Variants in CAMKMT observed in about 807,000 individuals in gnomAD.
CAMKMT encodes the protein calmodulin-lysine N-methyltransferase.
A neutral mutation model predicts 48.0 loss-of-function variants in CAMKMT; 53 were observed. The observed-to-expected ratio is 1.10, with a 90% CI of 0.89 to 1.39. The LOEUF (loss-of-function observed/expected upper bound fraction) is 1.39. Ranked by LOEUF, CAMKMT falls within the 40% of genes most tolerant of loss-of-function variation. The pLI is 0.00. For missense variants in CAMKMT, 428 were observed against 402.7 expected (o/e 1.06, Z -0.54); for synonymous variants, 165 against 152.3 (o/e 1.08, Z -0.61).
At chr2:44,414,022 G>T (rs562318384) in intron 3 of CAMKMT, among the ~76,000 whole-genome samples, 21 of 152,256 alleles carry the variant, frequency 1.4e-4, no homozygotes, top group Admixed American at 1.2e-3. Flanking sequence ...CATTGTATTG[G>T]TATGCCAGTT....
chr2:44,683,656 TA>T, intron 3 of CAMKMT, among the ~76,000 whole-genome samples: 1 of 151,018 alleles, frequency 6.6e-6, no homozygotes. Flanking sequence ...CCCTCTCTAC[TA>T]AAAAAATACA....
At chr2:44,562,380 A>G (rs922629146) in intron 3 of CAMKMT, among the ~76,000 whole-genome samples, 5 of 152,212 alleles carry the variant, frequency 3.3e-5, no homozygotes, top group African/African-American at 4.8e-5. Context: ...TAACAACAAT[A>G]ATAGCTAGCA....
intron 9 of CAMKMT, among the ~76,000 whole-genome samples, chr2:44,762,018 T>C (rs1284570409): frequency 6.6e-6 from 1 of 152,148 alleles, no homozygotes; most frequent in Non-Finnish European, 1.5e-5. Context: ...GCTGAAGCCA[T>C]GGACATCAGT....
At chr2:44,508,348 A>G (rs544203655) in intron 3 of CAMKMT, among the ~76,000 whole-genome samples, 4 of 152,272 alleles carry the variant, frequency 2.6e-5, no homozygotes, top group African/African-American at 9.6e-5. Context: ...TCAGCACCTT[A>G]GGTTTATCTG....
chr2:44,594,973 C>T (rs1477118863), intron 3 of CAMKMT, among the ~76,000 whole-genome samples: 1 of 151,776 alleles, frequency 6.6e-6, no homozygotes, highest in African/African-American at 2.4e-5. Context: ...AAAAAAACAA[C>T]CCCATCAAAA....
At chr2:44,621,266 C>CAAAAAAAAAAAAAAAAAAAAAAAA (rs10667154) in intron 3 of CAMKMT, among the ~76,000 whole-genome samples, 1 of 84,556 alleles carries the variant, frequency 1.2e-5, no homozygotes, top group African/African-American at 5.3e-5. Flanking sequence ...GACTCCATCT[C>CAAAAAAAAAAAAAAAAAAAAAAAA]AAAAAAAAAA....
At chr2:44,365,234 C>T (rs1032873094) in intron 1 of CAMKMT, among the ~76,000 whole-genome samples, 4 of 152,180 alleles carry the variant, frequency 2.6e-5, no homozygotes, top group Non-Finnish European at 5.9e-5. Flanking sequence ...AAAATTCTGT[C>T]TTTCCATTAC....
At chr2:44,478,932 C>G (rs937732857) in intron 3 of CAMKMT, among the ~76,000 whole-genome samples, 1 of 152,128 alleles carries the variant, frequency 6.6e-6, no homozygotes, top group East Asian at 1.9e-4. Context: ...ATCTCCTGAC[C>G]TCGTGATCCG....
intron 3 of CAMKMT, among the ~76,000 whole-genome samples, chr2:44,590,158 G>C (rs1418429918): frequency 2.0e-5 from 3 of 151,862 alleles, no homozygotes; most frequent in Non-Finnish European, 2.9e-5. Flanking sequence ...AGAACCTCTA[G>C]TATAGTGTTT....
rs866246752 is a variant in CAMKMT, at chr2:44,587,610, C to T, written c.377-116673C>T. Among the ~76,000 whole-genome samples, 273 of 131,918 alleles carry T rather than the reference C, an allele frequency of 2.1e-3. 1 individual carries two copies. In the Middle Eastern group the frequency reaches 0.026, roughly 13 times the overall value. The allele number at this position is 131,918 out of a possible 152,430, so 86.5% of individuals were successfully genotyped here. ...CCTGCCTCAGCCTGCCGAGTGCCTG[C>T]GATTGCAGGCGCGCGCCGCCACGCC... On this transcript the variant is annotated intron_variant, in intron 3 of 10. Coordinates refer to ENST00000378494, the MANE Select transcript of CAMKMT (RefSeq NM_024766.5).
At chr2:44,725,710 T>C (rs1678742729) in intron 7 of CAMKMT, among the ~76,000 whole-genome samples, 1 of 152,124 alleles carries the variant, frequency 6.6e-6, no homozygotes, top group Admixed American at 6.6e-5. Context: ...GATTTAGCTA[T>C]TTGTGATAAA....
At chr2:44,506,061 G>T (rs1490248867) in intron 3 of CAMKMT, among the ~76,000 whole-genome samples, 1 of 151,932 alleles carries the variant, frequency 6.6e-6, no homozygotes, top group African/African-American at 2.4e-5. Context: ...TCACCATGTT[G>T]CTCAGGCTGG....
chr2:44,721,288 C>A (rs1336463371), intron 7 of CAMKMT, among the ~76,000 whole-genome samples: 1 of 152,084 alleles, frequency 6.6e-6, no homozygotes, highest in African/African-American at 2.4e-5. Flanking sequence ...TATTTTTTAT[C>A]TTCTTAAAAT....
intron 9 of CAMKMT, among the ~76,000 whole-genome samples, chr2:44,763,521 T>G (rs1680704881): frequency 6.6e-6 from 1 of 152,200 alleles, no homozygotes; most frequent in Non-Finnish European, 1.5e-5. Flanking sequence ...AATAAAACAT[T>G]AGAAGATCCT....
intron 3 of CAMKMT, among the ~76,000 whole-genome samples, chr2:44,511,707 T>C (rs1416681888): frequency 6.6e-6 from 1 of 152,248 alleles, no homozygotes; most frequent in Non-Finnish European, 1.5e-5. Flanking sequence ...CTGAGAGATC[T>C]GCCTCCTAAA....
chr2:44,485,099 C>T (rs1485154956), intron 3 of CAMKMT, among the ~76,000 whole-genome samples: 3 of 152,158 alleles, frequency 2.0e-5, no homozygotes, highest in African/African-American at 7.2e-5. Context: ...AATTGAAACT[C>T]ATATACACTA....
At chr2:44,398,982 G>T (rs1212273905) in intron 3 of CAMKMT, among the ~76,000 whole-genome samples, 2 of 152,116 alleles carry the variant, frequency 1.3e-5, no homozygotes, top group African/African-American at 2.4e-5. Flanking sequence ...ATTATTTTCT[G>T]GGAGGTGGGA....
intron 3 of CAMKMT, among the ~76,000 whole-genome samples, chr2:44,445,615 G>A (rs569225059): frequency 3.0e-4 from 45 of 148,508 alleles, no homozygotes; most frequent in African/African-American, 1.1e-3. Context: ...ACTGGGCTCA[G>A]GGGAAGTCCA....
intron 3 of CAMKMT, among the ~76,000 whole-genome samples, chr2:44,451,916 T>C (rs1667309281): frequency 6.6e-6 from 1 of 151,828 alleles, no homozygotes; most frequent in Non-Finnish European, 1.5e-5. Context: ...TATTCCATTT[T>C]TGAAAAAAAA....
Sources: gnomAD v4.1 joint callset for allele counts (sites outside exome capture counted in the v4.1 genomes callset) on GRCh38, gnomAD v4.1.1 for gene constraint, MANE v1.5 for transcripts, NCBI Gene and HGNC (gene_info 2026-07-23, HGNC 2026-07-21) for gene names.